Variants in DNAJB1 observed in about 807,000 individuals in gnomAD.
The protein encoded by DNAJB1 is DnaJ heat shock protein family (Hsp40) member B1, also known as dnaJ homolog subfamily B member 1.
Under a neutral mutation model 24.0 loss-of-function variants are expected in DNAJB1, and 14 were observed. That is an observed-to-expected ratio of 0.58 (90% CI 0.39 to 0.91). The LOEUF is 0.91. Ranked by LOEUF, DNAJB1 falls within the 40% of genes least tolerant of loss-of-function variation. DNAJB1 has a pLI of 0.00. For missense variants in DNAJB1, 517 were observed against 458.1 expected, an observed-to-expected ratio of 1.13 and a Z score of -1.17; for synonymous variants, 262 against 174.4, an observed-to-expected ratio of 1.50 and a Z score of -3.96.
At chr19:14,546,960 G>A (rs1391915741) in intron 1 of DNAJB1, among the ~76,000 whole-genome samples, 2 of 152,140 alleles carry the variant, frequency 1.3e-5, no homozygotes, top group South Asian at 4.1e-4. Flanking sequence ...CTCCCAAAGT[G>A]CTGGGATTAC....
chr19:14,518,417 C>T (rs1004973233), upstream of DNAJB1: 5 of 1,290,624 alleles, frequency 3.9e-6, no homozygotes, highest in African/African-American at 7.7e-5. Flanking sequence ...CAGTCCCGGA[C>T]TCTATATACC....
At chr19:14,534,422 C>CTT (rs2072788239), upstream of DNAJB1, among the ~76,000 whole-genome samples, 3 of 113,102 alleles carry the variant, frequency 2.7e-5, no homozygotes, top group African/African-American at 8.1e-5. Context: ...CCATGCCTGG[C>CTT]CTTTTTTTTT....
chr19:14,542,347 G>GTGTTTTTT (rs2073125545), intron 1 of DNAJB1, among the ~76,000 whole-genome samples: 9 of 43,282 alleles, frequency 2.1e-4, no homozygotes, highest in African/African-American at 4.9e-4. Context: ...ATGCCATAGT[G>GTGTTTTTT]TTTTTTTTTT....
In DNAJB1 at chr19:14,535,756, C is replaced by CAA. The variant is rs1161257175; in HGVS notation, c.-213-7948_-213-7947dup. 1.2e-3 allele frequency among the ~76,000 whole-genome samples: 62 copies of CAA among 51,878 alleles called. 1 individual carries two copies. The highest frequency in any genetic ancestry group is 1.9e-3 in the African/African-American group (23 of 12,382). The allele number at this position is 51,878 out of a possible 152,430, so 34.0% of individuals were successfully genotyped here. On this transcript the variant is annotated intron_variant, in intron 1 of 3. Coordinates refer to the DNAJB1 transcript ENST00000676982. ...TGGGCAACAGAGTGAGACTCTGTCT[C>CAA]AAAAAAAAAAAAAAAAAAAAAGGGA...
At chr19:14,558,698 C>G (rs529077853) in intron 1 of DNAJB1, among the ~76,000 whole-genome samples, 1 of 152,294 alleles carries the variant, frequency 6.6e-6, no homozygotes, top group Admixed American at 6.5e-5. Context: ...GTGCTGGGAC[C>G]TCGCTGACAC....
At chr19:14,530,793 A>G (rs1036532674), upstream of DNAJB1, 3 of 152,132 alleles carry the variant, frequency 2.0e-5, no homozygotes, top group Non-Finnish European at 2.9e-5. Context: ...TACACATAAA[A>G]TTTACCATCT....
intron 1 of DNAJB1, among the ~76,000 whole-genome samples, chr19:14,544,746 C>T (rs1599444211): frequency 6.6e-6 from 1 of 151,680 alleles, no homozygotes; most frequent in Non-Finnish European, 1.5e-5. Flanking sequence ...GATTCTTGTG[C>T]CCCGGCCTCC....
At chr19:14,541,700 G>C (rs1160436940) in intron 1 of DNAJB1, among the ~76,000 whole-genome samples, 1 of 152,114 alleles carries the variant, frequency 6.6e-6, no homozygotes, top group Non-Finnish European at 1.5e-5. Flanking sequence ...GGAGCCCAGA[G>C]TTTGCATATG....
upstream of DNAJB1, among the ~76,000 whole-genome samples, chr19:14,533,374 C>T (rs373058410): frequency 4.0e-5 from 6 of 151,774 alleles, no homozygotes; most frequent in South Asian, 2.1e-4. Flanking sequence ...GAGCTGAGAT[C>T]GCACCACTGC....
chr19:14,516,350 T>C (rs1425452735), intron 2 of DNAJB1, 116 bp downstream of exon 2: 1 of 1,308,932 alleles, frequency 7.6e-7, no homozygotes, highest in Non-Finnish European at 1.1e-6. Context: ...CTGTTCACTG[T>C]TGTGCCCCAA....
chr19:14,545,662 C>T (rs886480672), intron 1 of DNAJB1: 14 of 186,198 alleles, frequency 7.5e-5, no homozygotes, highest in Non-Finnish European at 1.1e-4. Context: ...GGGCACAGTC[C>T]GTGTTGGTTG....
chr19:14,529,404 C>G (rs1004286863), upstream of DNAJB1: 4 of 582,346 alleles, frequency 6.9e-6, no homozygotes, highest in East Asian at 2.9e-5. Flanking sequence ...AGCCCCTTCT[C>G]TTTAGCCCCT....
At chr19:14,546,132 G>A (rs1047600187) in intron 1 of DNAJB1, among the ~76,000 whole-genome samples, 19 of 152,128 alleles carry the variant, frequency 1.2e-4, no homozygotes, top group African/African-American at 4.3e-4. Flanking sequence ...CACCTGGGGT[G>A]GTCACAAATC....
At chr19:14,524,919 G>T (rs1415400386) in intron 2 of DNAJB1, among the ~76,000 whole-genome samples, 3 of 149,182 alleles carry the variant, frequency 2.0e-5, no homozygotes, top group African/African-American at 7.4e-5. Context: ...ATACCCATGT[G>T]AAATGAAAAC....
intron 1 of DNAJB1, among the ~76,000 whole-genome samples, chr19:14,538,679 C>T (rs538729755): frequency 9.3e-5 from 14 of 151,324 alleles, no homozygotes; most frequent in Non-Finnish European, 1.5e-4. Context: ...ATTACAGGCA[C>T]GTGCCACCAT....
upstream of DNAJB1, among the ~76,000 whole-genome samples, chr19:14,519,078 A>G (rs987074464): frequency 6.6e-6 from 1 of 152,178 alleles, no homozygotes; most frequent in Non-Finnish European, 1.5e-5. Context: ...ATTTAAGATT[A>G]ACAAACAGGC....
upstream of DNAJB1, chr19:14,529,952 G>T (rs1487374709): frequency 1.7e-6 from 1 of 600,856 alleles, no homozygotes. Context: ...GGGGGTCTCT[G>T]CAGGGGCTGG....
chr19:14,555,174 G>A (rs1039230092), upstream of DNAJB1, among the ~76,000 whole-genome samples: 19 of 151,780 alleles, frequency 1.3e-4, no homozygotes, highest in Admixed American at 2.0e-4. Flanking sequence ...GAACTCCTAG[G>A]CTTAAGCGAT....
intron 1 of DNAJB1, among the ~76,000 whole-genome samples, chr19:14,542,181 T>C (rs2073116415): frequency 6.6e-6 from 1 of 151,870 alleles, no homozygotes. Flanking sequence ...CCCAGGCTGG[T>C]CTCCAACTCT....
Sources: gnomAD v4.1 joint callset for allele counts (sites outside exome capture counted in the v4.1 genomes callset) on GRCh38, gnomAD v4.1.1 for gene constraint, MANE v1.5 for transcripts, NCBI Gene and HGNC (gene_info 2026-07-23, HGNC 2026-07-21) for gene names.